NTM: variants seen among roughly 807,000 people sequenced by gnomAD.
The protein encoded by NTM is neurotrimin.
Under a neutral mutation model 42.1 loss-of-function variants are expected in NTM, and 13 were observed. The ratio of observed to expected loss-of-function variants is 0.31; its 90% CI spans 0.20 to 0.49. NTM has a LOEUF of 0.49. Ranked by LOEUF, NTM falls within the 20% of genes least tolerant of loss-of-function variation. The pLI, the probability that NTM is intolerant of heterozygous loss-of-function variation, is 0.99. For synonymous variants in NTM, 187 were observed against 179.2 expected (o/e 1.04, Z -0.35); for missense variants, 373 against 452.8 (o/e 0.82, Z 1.60).
At chr11:131,747,004 G>T (rs1188951321) in intron 1 of NTM, among the ~76,000 whole-genome samples, 1 of 152,018 alleles carries the variant, frequency 6.6e-6, no homozygotes, top group African/African-American at 2.4e-5. Context: ...ATACCTTTGT[G>T]GTGAAGAAGA....
chr11:131,487,865 A>G (rs1954353679), intron 1 of NTM, among the ~76,000 whole-genome samples: 1 of 152,200 alleles, frequency 6.6e-6, no homozygotes, highest in South Asian at 2.1e-4. Context: ...GAAGGGACGG[A>G]ATGGGGAAGA....
At chr11:131,948,127 C>T (rs780400914) in intron 2 of NTM, among the ~76,000 whole-genome samples, 99 of 151,834 alleles carry the variant, frequency 6.5e-4, no homozygotes, top group African/African-American at 2.1e-3. Flanking sequence ...TTTGGGAGGC[C>T]GAGGTGGGCT....
At chr11:131,405,824 C>A (rs1565469507) in intron 1 of NTM, among the ~76,000 whole-genome samples, 1 of 152,172 alleles carries the variant, frequency 6.6e-6, no homozygotes, top group Non-Finnish European at 1.5e-5. Context: ...AGTGAGTATG[C>A]TCCACTAACC....
intron 3 of NTM, among the ~76,000 whole-genome samples, chr11:132,169,929 G>T (rs2075886724): frequency 6.6e-6 from 1 of 152,088 alleles, no homozygotes; most frequent in South Asian, 2.1e-4. Flanking sequence ...TGCATCTCCA[G>T]AAATCTAGTG....
At chr11:131,420,895 A>G (rs1482576616) in intron 1 of NTM, among the ~76,000 whole-genome samples, 3 of 151,974 alleles carry the variant, frequency 2.0e-5, no homozygotes, top group Non-Finnish European at 2.9e-5. Flanking sequence ...GTTCTCCTCC[A>G]TGATGTAATG....
intron 1 of NTM, among the ~76,000 whole-genome samples, chr11:131,598,811 CTTCTTTCTTTCTTTCTTCTTTCTTTCT>C (rs1488320521): frequency 1.9e-4 from 8 of 42,928 alleles, no homozygotes; most frequent in African/African-American, 5.8e-4. Flanking sequence ...TTCTTTCTTT[CTTCTTTCTTTCTTTCTTCTTTCTTTCT>C]TTCTTTCTTT....
At chr11:131,412,333 G>A (rs1946511499) in intron 1 of NTM, among the ~76,000 whole-genome samples, 1 of 152,116 alleles carries the variant, frequency 6.6e-6, no homozygotes, top group Non-Finnish European at 1.5e-5. Context: ...TCATGTTTTG[G>A]GGCATTTCAG....
chr11:131,681,034 C>T (rs1166686589), intron 1 of NTM, among the ~76,000 whole-genome samples: 1 of 17,256 alleles, frequency 5.8e-5, no homozygotes, highest in Admixed American at 9.1e-4. Context: ...TGTGTGTGAG[C>T]GTGTGTGTTT....
chr11:132,035,865 C>T (rs1478330361), intron 2 of NTM, among the ~76,000 whole-genome samples: 1 of 152,162 alleles, frequency 6.6e-6, no homozygotes, highest in Non-Finnish European at 1.5e-5. Flanking sequence ...CAGCCTGTCT[C>T]TCTGCCACCT....
At chr11:131,860,859 C>T (rs994310467) in intron 1 of NTM, among the ~76,000 whole-genome samples, 39 of 152,278 alleles carry the variant, frequency 2.6e-4, no homozygotes, top group African/African-American at 7.9e-4. Context: ...CTCTTGCTGG[C>T]TACATACTTA....
intron 1 of NTM, among the ~76,000 whole-genome samples, chr11:131,773,653 A>G (rs1194695612): frequency 6.6e-6 from 1 of 152,216 alleles, no homozygotes; most frequent in Non-Finnish European, 1.5e-5. Flanking sequence ...TTTCTTTGCC[A>G]TATCTTTTAA....
chr11:131,695,419 C>G (rs1045382576), intron 1 of NTM, among the ~76,000 whole-genome samples: 3 of 152,138 alleles, frequency 2.0e-5, no homozygotes, highest in Non-Finnish European at 2.9e-5. Context: ...TGTTTTCATA[C>G]AGATTGTCTC....
At position 131,773,505 on chromosome 11, in the gene NTM, G is replaced by C. The variant is rs540516782; in HGVS notation, c.83-138059G>C. Among the ~76,000 whole-genome samples, 82 of 152,218 alleles carry C rather than the reference G, an allele frequency of 5.4e-4. 1 individual carries two copies. The South Asian group carries it at 0.017, about 31-fold the overall frequency. On this transcript the variant is annotated intron_variant, in intron 1 of 8. Coordinates refer to ENST00000683400, the MANE Select transcript of NTM (RefSeq NM_001352005.2). Reference sequence around the variant, plus strand: ...AAAGAAGTGAAGTGAGCCTTTCTTAGTTTCCCATATCATTAATGGCCCCCA... The same window carrying C: ...AAAGAAGTGAAGTGAGCCTTTCTTACTTTCCCATATCATTAATGGCCCCCA...
chr11:131,785,747 G>A (rs778300780), intron 1 of NTM, among the ~76,000 whole-genome samples: 6 of 152,164 alleles, frequency 3.9e-5, no homozygotes, highest in Non-Finnish European at 1.5e-5. Flanking sequence ...ACAAGGTTAC[G>A]GTAATTTTTT....
At chr11:131,765,276 GT>G (rs2084922880) in intron 1 of NTM, among the ~76,000 whole-genome samples, 1 of 152,102 alleles carries the variant, frequency 6.6e-6, no homozygotes, top group African/African-American at 2.4e-5. Context: ...TGCTCTGAAA[GT>G]AAAACCAACC....
At chr11:131,514,403 T>C (rs1381669689) in intron 1 of NTM, among the ~76,000 whole-genome samples, 2 of 152,198 alleles carry the variant, frequency 1.3e-5, no homozygotes, top group African/African-American at 4.8e-5. Flanking sequence ...TTATTGGCAG[T>C]CTTTAGAAAG....
intron 1 of NTM, among the ~76,000 whole-genome samples, chr11:131,548,486 A>C (rs1041314577): frequency 5.3e-5 from 8 of 152,224 alleles, no homozygotes; most frequent in Non-Finnish European, 1.2e-4. Flanking sequence ...ACTCAGAGCT[A>C]TATAAATGTA....
chr11:131,547,674 T>A (rs1024810052), intron 1 of NTM, among the ~76,000 whole-genome samples: 24 of 152,174 alleles, frequency 1.6e-4, no homozygotes, highest in Non-Finnish European at 2.8e-4. Context: ...CCTTTTGAGA[T>A]GTAAGATGGA....
chr11:131,420,717 T>C (rs1168655029), intron 1 of NTM, among the ~76,000 whole-genome samples: 1 of 152,192 alleles, frequency 6.6e-6, no homozygotes, highest in Admixed American at 6.5e-5. Flanking sequence ...GGCTTGGGCA[T>C]CTGGAAGTGG....
Sources: allele counts gnomAD v4.1 joint callset (sites outside exome capture counted in the v4.1 genomes callset), GRCh38; gene constraint gnomAD v4.1.1; transcripts MANE v1.5; gene names NCBI Gene and HGNC (gene_info 2026-07-23, HGNC 2026-07-21).